The following DICER1 variants were observed in gnomAD, a reference collection of about 807,000 sequenced individuals.
DICER1 encodes the protein endoribonuclease Dicer.
Under a neutral mutation model 194.1 loss-of-function variants are expected in DICER1, and 43 were observed. The ratio of observed to expected loss-of-function variants is 0.22; its 90% CI spans 0.17 to 0.29. The LOEUF (loss-of-function observed/expected upper bound fraction) is 0.29, where lower values mean the gene tolerates loss of function less well. Ranked by LOEUF, DICER1 falls within the 10% of genes least tolerant of loss-of-function variation. The probability of loss-of-function intolerance (pLI) is 1.00; values close to 1 mark genes in which losing one functional copy is unlikely to be tolerated. For missense variants in DICER1, 1,608 were observed against 2,317.0 expected, an observed-to-expected ratio of 0.69 and a Z score of 6.28; for synonymous variants, 832 against 820.5, an observed-to-expected ratio of 1.01 and a Z score of -0.24.
In DICER1 at chr14:95,108,093, T is replaced by C. The variant is rs1354652606; in HGVS notation, c.2437A>G (p.Ile813Val). 1 of 1,610,200 alleles carries C rather than the reference T, an allele frequency of 6.2e-7. No homozygotes were observed. Among genetic ancestry groups the C allele is most frequent in the East Asian group, 2.2e-5 (1 of 44,836 alleles). The change falls in exon 16 of 27, where the codon ATT becomes GTT. Residue 813 changes from isoleucine (I) to valine (V), a missense_variant and splice_region_variant. Ile to Val is a conservative substitution (Grantham distance 29). This residue lies in a region of DICER1 where 150 missense variants were observed against 216.0 expected (regional missense o/e 0.69). Coordinates refer to ENST00000343455, the MANE Select transcript of DICER1 (RefSeq NM_177438.3). ...CGTGTGTACACAGGAAAGTGTGGAA[T>C]CTTAGCAAAAGGAAATGTAAAGCAC... ...GILTAKPIPQ[I>V]PHFPVYTRSG... is the part of the protein sequence containing the mutation.
At chr14:95,156,754 C>G (rs76098598) in intron 1 of DICER1, among the ~76,000 whole-genome samples, 9,655 of 152,236 alleles carry the variant, frequency 0.063, 384 homozygotes, top group Non-Finnish European at 0.087. Context: ...CGGGAGGGAC[C>G]GAGAGCCCAG....
chr14:95,154,841 T>C (rs1895735948), intron 1 of DICER1, among the ~76,000 whole-genome samples: 1 of 151,700 alleles, frequency 6.6e-6, no homozygotes, highest in African/African-American at 2.4e-5. Context: ...TGGTTCAACG[T>C]TGTGTTATGT....
chr14:95,122,553 C>CATT (rs1397434312), intron 8 of DICER1, among the ~76,000 whole-genome samples: 19 of 152,122 alleles, frequency 1.2e-4, no homozygotes, highest in African/African-American at 4.6e-4. Context: ...TGCCCAGGGG[C>CATT]ATTACTATGA....
intron 6 of DICER1, among the ~76,000 whole-genome samples, chr14:95,128,350 G>A (rs56200135): frequency 0.42 from 63,290 of 151,956 alleles, 15,732 homozygotes; most frequent in African/African-American, 0.7. Flanking sequence ...GAAAACCTTT[G>A]GGCAATACAA....
chr14:95,128,678 T>C (rs1893688555), intron 6 of DICER1, among the ~76,000 whole-genome samples: 2 of 152,182 alleles, frequency 1.3e-5, no homozygotes, highest in African/African-American at 4.8e-5. Context: ...AATAAGTGAC[T>C]CACTCAAGGT....
At chr14:95,107,466 G>A (rs1159870442) in intron 17 of DICER1, 142 bp downstream of exon 17, 3 of 790,210 alleles carry the variant, frequency 3.8e-6, no homozygotes, top group Non-Finnish European at 6.6e-6. Context: ...TGGCCAGGAT[G>A]GTCTCAATCT....
chr14:95,129,382 G>T, intron 6 of DICER1, 90 bp downstream of exon 6: 1 of 1,221,976 alleles, frequency 8.2e-7, no homozygotes, highest in Non-Finnish European at 1.2e-6. Context: ...ACTTAAATAG[G>T]TACTCTCTGC....
Position 95,090,463 on chromosome 14 carries a change from G to C in DICER1, c.*35C>G, listed in dbSNP as rs756294748. On this transcript the variant is annotated 3_prime_UTR_variant, in exon 27 of 27. Coordinates refer to ENST00000343455, the MANE Select transcript of DICER1 (RefSeq NM_177438.3). ...AATAATTTTCCCCTTAATTTTTTTT[G>C]TTTTGTTTCTTGTTTTGAATTTTAA... 119 of 1,605,758 alleles carry C rather than the reference G, an allele frequency of 7.4e-5. No homozygotes were observed. The highest frequency in any genetic ancestry group is 6.5e-5 in the Non-Finnish European group (77 of 1,175,746).
intron 11 of DICER1, among the ~76,000 whole-genome samples, chr14:95,115,182 G>C (rs1207330903): frequency 1.3e-5 from 2 of 152,172 alleles, no homozygotes; most frequent in Non-Finnish European, 2.9e-5. Flanking sequence ...TTTTGTCTCT[G>C]AATAGAAATT....
intron 1 of DICER1, among the ~76,000 whole-genome samples, chr14:95,133,809 G>A (rs1280389329): frequency 6.6e-6 from 1 of 152,068 alleles, no homozygotes; most frequent in African/African-American, 2.4e-5. Context: ...AAATCTACTG[G>A]TAAAAAATAA....
chr14:95,140,918 G>A (rs1209653747), intron 1 of DICER1, among the ~76,000 whole-genome samples: 1 of 152,026 alleles, frequency 6.6e-6, no homozygotes, highest in Non-Finnish European at 1.5e-5. Context: ...AGGATACCAA[G>A]GCTTACCCTA....
intron 6 of DICER1, among the ~76,000 whole-genome samples, chr14:95,127,863 G>A (rs535820486): frequency 1.8e-4 from 27 of 152,162 alleles, no homozygotes; most frequent in African/African-American, 6.3e-4. Flanking sequence ...GCCCCCTTAG[G>A]CATTTGTCAG....
At chr14:95,136,086 T>TACACACACACACAC (rs144415862) in intron 1 of DICER1, among the ~76,000 whole-genome samples, 42 of 146,646 alleles carry the variant, frequency 2.9e-4, no homozygotes, top group South Asian at 8.9e-4. Flanking sequence ...TACATGTAGA[T>TACACACACACACAC]ACACACACAC....
intron 1 of DICER1, among the ~76,000 whole-genome samples, chr14:95,135,291 G>A (rs1595473755): frequency 6.6e-6 from 1 of 152,090 alleles, no homozygotes; most frequent in African/African-American, 2.4e-5. Flanking sequence ...ACTTATTGAA[G>A]ACATGGTAGA....
chr14:95,102,024 A>C (rs144119125), intron 21 of DICER1, among the ~76,000 whole-genome samples: 6 of 152,292 alleles, frequency 3.9e-5, no homozygotes, highest in African/African-American at 1.4e-4. Context: ...CACCTATAAA[A>C]TGGGGAAAAT....
chr14:95,104,406 G>GGGTTGGAA (rs1220163312), intron 20 of DICER1, among the ~76,000 whole-genome samples: 8 of 152,156 alleles, frequency 5.3e-5, no homozygotes, highest in Non-Finnish European at 7.4e-5. Flanking sequence ...CTAGCTTCAC[G>GGGTTGGAA]GGTTGGAATC....
At chr14:95,126,933 C>T (rs540411567) in intron 6 of DICER1, among the ~76,000 whole-genome samples, 185 bp from the exon 7 acceptor site, 119 of 149,640 alleles carry the variant, frequency 8.0e-4, no homozygotes, top group Middle Eastern at 3.5e-3. Flanking sequence ...TACCATATTT[C>T]TCAACAGTAA....
intron 22 of DICER1, among the ~76,000 whole-genome samples, chr14:95,099,331 G>C (rs1424201205): frequency 4.0e-5 from 6 of 151,800 alleles, no homozygotes; most frequent in Non-Finnish European, 8.8e-5. Flanking sequence ...CAGGAGTCCT[G>C]ACTGGGAAAA....
At chr14:95,147,251 G>C (rs8004971) in intron 1 of DICER1, among the ~76,000 whole-genome samples, 9,924 of 152,244 alleles carry the variant, frequency 0.065, 420 homozygotes, top group African/African-American at 0.12. Context: ...GATCACGTGA[G>C]CCCAGGAATT....
Sources: gnomAD v4.1 joint callset for allele counts (sites outside exome capture counted in the v4.1 genomes callset) on GRCh38, gnomAD v4.1.1 for gene constraint, gnomAD v4.1.1 regional missense constraint, MANE v1.5 for transcripts, NCBI Gene and HGNC (gene_info 2026-07-23, HGNC 2026-07-21) for gene names.